Variants in COX7C observed in about 807,000 individuals in gnomAD.
COX7C encodes the protein cytochrome c oxidase subunit 7C, mitochondrial.
A neutral mutation model predicts 6.4 loss-of-function variants in COX7C; 1 was observed. That is an observed-to-expected ratio of 0.16 (90% confidence interval 0.06 to 0.74). The LOEUF (loss-of-function observed/expected upper bound fraction) is 0.74. Ranked by LOEUF, COX7C falls within the 30% of genes least tolerant of loss-of-function variation. COX7C has a pLI of 0.78. For synonymous variants in COX7C, 24 were observed against 28.9 expected (o/e 0.83, Z 0.54); for missense variants, 54 against 73.7 (o/e 0.73, Z 0.98).
In COX7C at chr5:86,618,137, G is replaced by A. The variant is rs1222589706; in HGVS notation, c.75+7G>A. 1.2e-6 allele frequency: 2 copies of A among 1,613,864 alleles called. No individual in the cohort carries two copies. Among genetic ancestry groups the A allele is most frequent in the Non-Finnish European group, 1.7e-6 (2 of 1,179,914 alleles). Reference sequence around the variant, plus strand: ...TGAGGAGGGCCCTGGGAAGGTTAGTGTGTAAGGGGCACGGCTTCGTTGGGG... The same window carrying A: ...TGAGGAGGGCCCTGGGAAGGTTAGTATGTAAGGGGCACGGCTTCGTTGGGG... On this transcript the variant is annotated splice_region_variant and intron_variant, in intron 1 of 2. Transcript: ENST00000247655.
chr5:86,620,553 A>G (rs562373142), intron 2 of COX7C, 115 bp from the exon 3 acceptor site: 3 of 341,656 alleles, frequency 8.8e-6, no homozygotes, highest in Admixed American at 6.0e-5. Flanking sequence ...TGATACTGTA[A>G]ACGCTTTCTG....
At chr5:86,620,435 G>A (rs1182390525) in intron 2 of COX7C, 2 of 240,400 alleles carry the variant, frequency 8.3e-6, no homozygotes, top group African/African-American at 4.4e-5. Flanking sequence ...AGAACACTAG[G>A]ATGATTGGAA....
At chr5:86,618,367 C>G (rs1750046067) in intron 1 of COX7C, 2 of 495,092 alleles carry the variant, frequency 4.0e-6, no homozygotes, top group Non-Finnish European at 7.3e-6. Context: ...AGCCACCTGA[C>G]GCCCCCTCCC....
intron 2 of COX7C, 44 bp downstream of exon 2, chr5:86,619,540 T>A: frequency 1.0e-6 from 1 of 959,824 alleles, no homozygotes; most frequent in Non-Finnish European, 1.7e-6. Context: ...GCCTTTTTAT[T>A]AAGTAGCCTC....
intron 1 of COX7C, 85 bp from the exon 2 acceptor site, chr5:86,619,267 AG>A (rs749854030): frequency 2.2e-5 from 18 of 804,686 alleles, no homozygotes; most frequent in Non-Finnish European, 3.9e-5. Context: ...AAATATAACT[AG>A]CATTTCCTGT....
intron 1 of COX7C, among the ~76,000 whole-genome samples, chr5:86,618,560 T>G (rs1750050944): frequency 6.6e-6 from 1 of 152,192 alleles, no homozygotes; most frequent in Non-Finnish European, 1.5e-5. Flanking sequence ...TACTAACCCT[T>G]CACCTCAGTT....
At position 86,618,045 on chromosome 5, in the gene COX7C, C is replaced by T; in HGVS notation, c.-11C>T. 8 of 1,613,454 alleles carry T rather than the reference C, an allele frequency of 5.0e-6. No homozygotes were observed. The highest frequency in any genetic ancestry group is 5.9e-6 in the Non-Finnish European group (7 of 1,180,000). On this transcript the variant is annotated 5_prime_UTR_variant, in exon 1 of 3. Coordinates refer to ENST00000247655, the MANE Select transcript of COX7C (RefSeq NM_001867.3). ...ATTCTCTGCGCCTTTCGCAGAGCTT[C>T]CAGCAGCGGTATGTTGGGCCAGAGC...
At chr5:86,618,952 A>T (rs1412078225) in intron 1 of COX7C, among the ~76,000 whole-genome samples, 1 of 151,100 alleles carries the variant, frequency 6.6e-6, no homozygotes, top group African/African-American at 2.4e-5. Context: ...ACTGCACTCC[A>T]GCCTGGACAG....
At chr5:86,618,392 G>A (rs1580392644) in intron 1 of COX7C, 1 of 471,436 alleles carries the variant, frequency 2.1e-6, no homozygotes, top group East Asian at 4.0e-5. Context: ...CCCGCAGAAA[G>A]CCCTGAGATG....
At chr5:86,620,585 A>G (rs1392834994) in intron 2 of COX7C, 83 bp from the exon 3 acceptor site, 2 of 408,168 alleles carry the variant, frequency 4.9e-6, no homozygotes, top group Admixed American at 5.1e-5. Context: ...AAACTGATAG[A>G]AAATATTTTC....
chr5:86,618,119 G>A lies in COX7C; in HGVS notation c.64G>A (p.Gly22Ser), dbSNP rs776048998. ...SVVRRSHYEE[G>S]PGKNLPFSVE... Reference sequence around the variant, plus strand: ...GGTCCGTAGGAGCCACTATGAGGAGGGCCCTGGGAAGGTTAGTGTGTAAGG... The same window carrying A: ...GGTCCGTAGGAGCCACTATGAGGAGAGCCCTGGGAAGGTTAGTGTGTAAGG... The change falls in exon 1 of 3, where the codon GGC becomes AGC. Residue 22 changes from glycine to serine, a missense_variant. Gly to Ser is a moderately conservative substitution (Grantham distance 56, BLOSUM62 0). Transcript: ENST00000247655. 18 of 1,614,056 alleles carry A rather than the reference G, an allele frequency of 1.1e-5. No homozygotes were observed. Among genetic ancestry groups the A allele is most frequent in the Non-Finnish European group, 1.3e-5 (15 of 1,180,038 alleles).
chr5:86,619,339 T>C lies in COX7C; in HGVS notation c.76-14T>C. 1 of 1,527,512 alleles carries C rather than the reference T, an allele frequency of 6.5e-7. No homozygotes were observed. Among genetic ancestry groups the C allele is most frequent in the Non-Finnish European group, 9.0e-7 (1 of 1,111,046 alleles). The allele number at this position is 1,527,512 out of a possible 1,614,324, so 94.6% of individuals were successfully genotyped here. On this transcript the variant is annotated splice_polypyrimidine_tract_variant and intron_variant, in intron 1 of 2. Coordinates refer to ENST00000247655, the MANE Select transcript of COX7C (RefSeq NM_001867.3). The stretch of plus-strand genomic sequence containing the variant: ...GATTCAATTTCGATTACTTTTTCTC[T>C]TTTTTTCCAACAGAATTTGCCATTT...
At chr5:86,619,561 C>T (rs1434162959) in intron 2 of COX7C, 65 bp downstream of exon 2, 4 of 805,824 alleles carry the variant, frequency 5.0e-6, no homozygotes, top group African/African-American at 3.4e-5. Context: ...TTCCCCATCA[C>T]CCAGAACACA....
intron 1 of COX7C, 120 bp downstream of exon 1, chr5:86,618,250 C>A: frequency 2.3e-6 from 2 of 871,862 alleles, no homozygotes; most frequent in Non-Finnish European, 1.9e-6. Context: ...CAGGCTGAGA[C>A]GCAGACTAGC....
intron 1 of COX7C, 48 bp downstream of exon 1, chr5:86,618,178 T>C: frequency 1.9e-6 from 3 of 1,576,824 alleles, no homozygotes; most frequent in Non-Finnish European, 2.6e-6. Flanking sequence ...GGCGCTTGGC[T>C]GTGACTCGCG....
intron 2 of COX7C, 189 bp downstream of exon 2, chr5:86,619,685 T>C (rs942134163): frequency 2.1e-5 from 10 of 487,424 alleles, no homozygotes; most frequent in African/African-American, 1.5e-4. Flanking sequence ...CCAGTGTTTA[T>C]TGAATACTAC....
chr5:86,619,813 G>C (rs1580393418), intron 2 of COX7C: 1 of 199,216 alleles, frequency 5.0e-6, no homozygotes, highest in East Asian at 1.2e-4. Context: ...CTCATAACTA[G>C]TATAATGGTG....
Position 86,618,176 on chromosome 5 carries a change from G to T in COX7C, c.75+46G>T, listed in dbSNP as rs748453657. The T allele has an allele frequency of 1.0e-5, 16 of 1,580,166 alleles. 1 individual carries two copies. The South Asian group carries it at 1.7e-4, about 16-fold the overall frequency. On this transcript the variant is annotated intron_variant, in intron 1 of 2. Coordinates refer to ENST00000247655, the MANE Select transcript of COX7C (RefSeq NM_001867.3). ...GCTTCGTTGGGGGAGGGGGCGCTTG[G>T]CTGTGACTCGCGCACCTGCAAGGCC...
chr5:86,618,330 G>A, intron 1 of COX7C, 200 bp downstream of exon 1: 2 of 565,678 alleles, frequency 3.5e-6, no homozygotes, highest in Non-Finnish European at 6.4e-6. Flanking sequence ...GGAATGGGCA[G>A]GTAGATCCGG....
Sources: allele counts gnomAD v4.1 joint callset (sites outside exome capture counted in the v4.1 genomes callset), GRCh38; gene constraint gnomAD v4.1.1; transcripts MANE v1.5; gene names NCBI Gene and HGNC (gene_info 2026-07-23, HGNC 2026-07-21).